Variants in DOCK8 observed in about 807,000 individuals in gnomAD.
The protein encoded by DOCK8 is dedicator of cytokinesis protein 8.
DOCK8 carries 141 observed loss-of-function variants against 245.6 expected under a neutral mutation model. The observed-to-expected ratio is 0.57, with a 90% CI of 0.50 to 0.66. The LOEUF (loss-of-function observed/expected upper bound fraction) is 0.66. Ranked by LOEUF, DOCK8 falls within the 30% of genes least tolerant of loss-of-function variation. The pLI is 0.00. For synonymous variants in DOCK8, 1,168 were observed against 970.2 expected (o/e 1.20, Z -3.79); for missense variants, 2,965 against 2,603.4 (o/e 1.14, Z -3.02).
At chr9:436,566 T>C (rs907016203) in intron 39 of DOCK8, among the ~76,000 whole-genome samples, 4 of 152,246 alleles carry the variant, frequency 2.6e-5, no homozygotes, top group Non-Finnish European at 4.4e-5. Context: ...CACTTAAATA[T>C]CAATTGCATT....
At position 396,799 on chromosome 9, in the gene DOCK8, C is replaced by G; in HGVS notation, c.2985C>G (p.Ala995=). 1 of 1,614,124 alleles carries G rather than the reference C, an allele frequency of 6.2e-7. No individual in the cohort carries two copies. Among genetic ancestry groups the G allele is most frequent in the Non-Finnish European group, 8.5e-7 (1 of 1,180,032 alleles). ...CCCCTCCGCAGGTGAAAAGCATGGC[C>G]CAGCACGTACATAACATGGACAAAC... is the stretch of plus-strand genomic sequence containing the variant. ...FFFELLVKSM[A]QHVHNMDKRD... Residue 995 remains alanine (A), a synonymous_variant, in exon 25 of 48, where the codon GCC becomes GCG. Transcript: ENST00000432829.
chr9:442,020 T>C lies in DOCK8; in HGVS notation c.5490+11T>C. 6.2e-7 allele frequency: 1 copy of C among 1,613,850 alleles called. No individual in the cohort carries two copies. Among genetic ancestry groups the C allele is most frequent in the Non-Finnish European group, 8.5e-7 (1 of 1,180,002 alleles). ...TCACATAGACTAGAGGTAAGAAAAG[T>C]GATTCTGTGCGCCTGACCTGGTACA... On this transcript the variant is annotated intron_variant, in intron 42 of 47. Transcript: ENST00000432829.
intron 28 of DOCK8, among the ~76,000 whole-genome samples, chr9:407,926 T>C (rs2055516712): frequency 6.6e-6 from 1 of 152,116 alleles, no homozygotes; most frequent in Admixed American, 6.5e-5. Flanking sequence ...GATTCAACAC[T>C]TCTGGTGTTT....
chr9:353,383 C>T (rs1586775850), intron 14 of DOCK8, among the ~76,000 whole-genome samples: 1 of 152,146 alleles, frequency 6.6e-6, no homozygotes, highest in African/African-American at 2.4e-5. Flanking sequence ...TTAAAAACAT[C>T]AAGAATGATA....
intron 2 of DOCK8, among the ~76,000 whole-genome samples, chr9:279,095 G>A (rs1260037622): frequency 1.3e-5 from 2 of 152,192 alleles, no homozygotes; most frequent in African/African-American, 4.8e-5. Flanking sequence ...AGGATTTTCT[G>A]ATGGGTGATA....
At chr9:363,657 C>T (rs2052840428) in intron 14 of DOCK8, among the ~76,000 whole-genome samples, 1 of 152,172 alleles carries the variant, frequency 6.6e-6, no homozygotes, top group South Asian at 2.1e-4. Context: ...ATGTTAGTTT[C>T]CTGACCTTCA....
chr9:349,862 G>T (rs987264136), intron 14 of DOCK8, among the ~76,000 whole-genome samples: 1 of 152,092 alleles, frequency 6.6e-6, no homozygotes, highest in African/African-American at 2.4e-5. Flanking sequence ...ATTCTCTTTG[G>T]CTCAGACTTG....
chr9:303,396 C>T (rs10969094), intron 4 of DOCK8, among the ~76,000 whole-genome samples: 74,976 of 152,014 alleles, frequency 0.49, 19,560 homozygotes, highest in East Asian at 0.75. Context: ...AGATGCCCAT[C>T]GACAGTGGAC....
At chr9:385,992 A>C (rs1462049613) in intron 22 of DOCK8, among the ~76,000 whole-genome samples, 5 of 152,094 alleles carry the variant, frequency 3.3e-5, no homozygotes, top group Non-Finnish European at 5.9e-5. Flanking sequence ...TACCGTACTA[A>C]ACCACAGAGA....
At chr9:224,717 T>G (rs978233161) in intron 1 of DOCK8, among the ~76,000 whole-genome samples, 3 of 152,136 alleles carry the variant, frequency 2.0e-5, no homozygotes, top group African/African-American at 7.2e-5. Flanking sequence ...GAAATTACAC[T>G]TGGGGTCTGT....
chr9:431,410 A>T (rs182406328), intron 36 of DOCK8, among the ~76,000 whole-genome samples: 3 of 152,280 alleles, frequency 2.0e-5, no homozygotes, highest in Admixed American at 2.0e-4. Flanking sequence ...GGGGACCTTG[A>T]GGTAGCCATG....
chr9:338,039 A>G (rs2051399431), intron 12 of DOCK8, among the ~76,000 whole-genome samples: 1 of 152,086 alleles, frequency 6.6e-6, no homozygotes, highest in African/African-American at 2.4e-5. Context: ...CTGTAATCCC[A>G]GCTACTTGGG....
At chr9:349,958 G>A (rs927622291) in intron 14 of DOCK8, among the ~76,000 whole-genome samples, 3 of 151,900 alleles carry the variant, frequency 2.0e-5, no homozygotes, top group Non-Finnish European at 2.9e-5. Flanking sequence ...TCCCTCCGCC[G>A]CCCTCCAATA....
At chr9:394,652 A>G (rs963236945) in intron 24 of DOCK8, among the ~76,000 whole-genome samples, 1 of 152,266 alleles carries the variant, frequency 6.6e-6, no homozygotes, top group African/African-American at 2.4e-5. Flanking sequence ...CCTTGGAGAA[A>G]TAGAGATAAA....
chr9:344,190 C>T (rs1223712012), intron 14 of DOCK8, among the ~76,000 whole-genome samples: 1 of 152,190 alleles, frequency 6.6e-6, no homozygotes, highest in Admixed American at 6.5e-5. Context: ...AGAGATTTCT[C>T]TCCAGTTTGG....
At chr9:424,617 C>T (rs10974352) in intron 33 of DOCK8, among the ~76,000 whole-genome samples, 2 of 152,024 alleles carry the variant, frequency 1.3e-5, no homozygotes, top group African/African-American at 4.8e-5. Flanking sequence ...ACCATGTTGC[C>T]CAGGCTGGTC....
chr9:236,991 G>C (rs2047266426), intron 1 of DOCK8, among the ~76,000 whole-genome samples: 1 of 152,228 alleles, frequency 6.6e-6, no homozygotes, highest in South Asian at 2.1e-4. Context: ...AAGGAGGGCT[G>C]GGGGAATATA....
chr9:368,609 A>AC (rs2053131750), intron 15 of DOCK8: 1 of 223,542 alleles, frequency 4.5e-6, no homozygotes, highest in Admixed American at 5.0e-5. Context: ...CCACCTCCAC[A>AC]CCTTCTAGGA....
In DOCK8 at chr9:245,568, A is replaced by G. The variant is rs530450055; in HGVS notation, c.54-26059A>G. On this transcript the variant is annotated intron_variant, in intron 1 of 47. Coordinates refer to ENST00000432829, the MANE Select transcript of DOCK8 (RefSeq NM_203447.4). ...CTCAGAATACATCTCTAATGATGAA[A>G]TCATCAGGCAACTTGACAAAGAGTG... Among the ~76,000 whole-genome samples, 25 of 152,262 alleles carry G rather than the reference A, an allele frequency of 1.6e-4. 1 individual carries two copies. The highest frequency in any genetic ancestry group is 3.3e-4 in the Admixed American group (5 of 15,292).
Sources: allele counts gnomAD v4.1 joint callset (sites outside exome capture counted in the v4.1 genomes callset), GRCh38; gene constraint gnomAD v4.1.1; transcripts MANE v1.5; gene names NCBI Gene and HGNC (gene_info 2026-07-23, HGNC 2026-07-21).